ADAMTSL1: variants seen among roughly 807,000 people sequenced by gnomAD.
ADAMTSL1 encodes ADAMTS-like protein 1.
Under a neutral mutation model 201.8 loss-of-function variants are expected in ADAMTSL1, and 126 were observed. The observed-to-expected ratio is 0.62, with a 90% CI of 0.54 to 0.72. The LOEUF is 0.72. ADAMTSL1 is among the 30% of genes least tolerant of loss of function. The pLI, the probability that ADAMTSL1 is intolerant of heterozygous loss-of-function variation, is 0.00. For missense variants in ADAMTSL1, 2,679 were observed against 2,277.8 expected (o/e 1.18, Z -3.59); for synonymous variants, 1,121 against 903.4 (o/e 1.24, Z -4.32).
At chr9:18,423,995 G>A (rs902583306) in intron 2 of ADAMTSL1, among the ~76,000 whole-genome samples, 1 of 152,200 alleles carries the variant, frequency 6.6e-6, no homozygotes. Flanking sequence ...TAATGCTTCT[G>A]AAGAAAGAGC....
chr9:18,766,785 C>A (rs1202132048), intron 16 of ADAMTSL1, among the ~76,000 whole-genome samples: 1 of 152,030 alleles, frequency 6.6e-6, no homozygotes, highest in Admixed American at 6.5e-5. Context: ...ACCGTCATGA[C>A]CTAATCATCT....
intron 1 of ADAMTSL1, among the ~76,000 whole-genome samples, chr9:17,907,843 T>A (rs1588395149): frequency 6.6e-6 from 1 of 152,276 alleles, no homozygotes; most frequent in East Asian, 1.9e-4. Flanking sequence ...GGGCAGTTTG[T>A]ACATAATTTA....
intron 2 of ADAMTSL1, among the ~76,000 whole-genome samples, chr9:18,393,879 C>T (rs987261194): frequency 2.6e-5 from 4 of 152,132 alleles, no homozygotes; most frequent in East Asian, 1.9e-4. Flanking sequence ...TGATACCATC[C>T]GGCTGTGAAA....
intron 1 of ADAMTSL1, among the ~76,000 whole-genome samples, chr9:17,985,768 C>G (rs1818903567): frequency 6.6e-6 from 1 of 152,102 alleles, no homozygotes; most frequent in South Asian, 2.1e-4. Flanking sequence ...AAATAAGATT[C>G]ATGGAGGTTC....
intron 9 of ADAMTSL1, among the ~76,000 whole-genome samples, chr9:18,664,076 A>G (rs2133043581): frequency 6.6e-6 from 1 of 152,242 alleles, no homozygotes; most frequent in African/African-American, 2.4e-5. Context: ...AAATAGGCAA[A>G]TGTCAGGAAG....
chr9:18,251,374 A>C (rs1413544785), intron 2 of ADAMTSL1, among the ~76,000 whole-genome samples: 1 of 152,204 alleles, frequency 6.6e-6, no homozygotes, highest in African/African-American at 2.4e-5. Flanking sequence ...CGAGTCCTGA[A>C]AGAAGCATTT....
intron 1 of ADAMTSL1, among the ~76,000 whole-genome samples, chr9:17,997,894 C>T (rs752378343): frequency 2.0e-5 from 3 of 152,070 alleles, no homozygotes; most frequent in East Asian, 1.9e-4. Flanking sequence ...GCTGCATTCA[C>T]TTACTCTCTT....
chr9:18,168,838 T>G lies in ADAMTSL1; in HGVS notation c.207+4857T>G, dbSNP rs1167048358. ...CCATTCTAACTGGTGTGAGATGGTA[T>G]CTCATTGTGGTTTTGATTTGCATTT... On this transcript the variant is annotated intron_variant, in intron 2 of 29. Transcript: ENST00000680146. Among the ~76,000 whole-genome samples, 13 of 150,010 alleles carry G rather than the reference T, an allele frequency of 8.7e-5. No homozygotes were observed. In the South Asian group the frequency reaches 2.8e-3, roughly 32 times the overall value.
chr9:18,724,068 G>A (rs187365714), intron 15 of ADAMTSL1, among the ~76,000 whole-genome samples: 4 of 152,266 alleles, frequency 2.6e-5, no homozygotes, highest in Non-Finnish European at 4.4e-5. Context: ...TTTCTAGACC[G>A]TGTCCTTTGG....
At chr9:18,218,691 T>G (rs1830143538) in intron 2 of ADAMTSL1, among the ~76,000 whole-genome samples, 1 of 152,088 alleles carries the variant, frequency 6.6e-6, no homozygotes, top group Non-Finnish European at 1.5e-5. Context: ...ATATAAGAGA[T>G]ATTATCTTTC....
chr9:18,473,766 G>A (rs1299893837), upstream of ADAMTSL1: 1 of 176,478 alleles, frequency 5.7e-6, no homozygotes, highest in African/African-American at 2.4e-5. Context: ...GGGAGCTACT[G>A]TACTTTACAA....
At chr9:18,887,736 T>A in intron 23 of ADAMTSL1, 95 bp from the exon 24 acceptor site, 2 of 1,140,534 alleles carry the variant, frequency 1.8e-6, no homozygotes, top group Non-Finnish European at 2.5e-6. Flanking sequence ...ACATTGTGTG[T>A]ACAATTTCTA....
intron 5 of ADAMTSL1, among the ~76,000 whole-genome samples, chr9:18,635,193 A>G (rs1400337560): frequency 6.6e-6 from 1 of 152,024 alleles, no homozygotes; most frequent in Admixed American, 6.6e-5. Context: ...GTCATTACAA[A>G]TGGAGTTCTG....
rs370729687 is a variant in ADAMTSL1, at chr9:17,932,746, C to T, written c.87+25824C>T. 2.0e-5 allele frequency among the ~76,000 whole-genome samples: 3 copies of T among 152,260 alleles called. No homozygotes were observed. In the East Asian group the frequency reaches 5.8e-4, roughly 29 times the overall value. On this transcript the variant is annotated intron_variant, in intron 1 of 29. Coordinates refer to the ADAMTSL1 transcript ENST00000680146. ...ATATTTTCATTTTGAATACAGTGAT[C>T]TAAGTAATCTGCTTATTACAATAGA...
intron 2 of ADAMTSL1, among the ~76,000 whole-genome samples, chr9:18,459,081 A>G (rs1303736868): frequency 6.6e-6 from 1 of 152,210 alleles, no homozygotes; most frequent in East Asian, 1.9e-4. Flanking sequence ...TAAGGTTGCC[A>G]TAATAACTGA....
intron 1 of ADAMTSL1, among the ~76,000 whole-genome samples, chr9:18,486,205 C>A (rs942038080): frequency 1.3e-5 from 2 of 152,122 alleles, no homozygotes; most frequent in Admixed American, 1.3e-4. Flanking sequence ...AATTTTTGAC[C>A]TACAGTTAGG....
intron 15 of ADAMTSL1, among the ~76,000 whole-genome samples, chr9:18,727,042 T>C (rs1817936844): frequency 6.6e-6 from 1 of 152,244 alleles, no homozygotes; most frequent in African/African-American, 2.4e-5. Flanking sequence ...TTTAAAAGCA[T>C]ACTTCAGAAT....
chr9:18,853,841 TG>T (rs1352578685), intron 23 of ADAMTSL1, among the ~76,000 whole-genome samples: 1 of 151,932 alleles, frequency 6.6e-6, no homozygotes, highest in African/African-American at 2.4e-5. Flanking sequence ...GATAAGTTCC[TG>T]TTCTAAGTCC....
At chr9:18,601,916 A>G (rs1824687044) in intron 4 of ADAMTSL1, among the ~76,000 whole-genome samples, 1 of 152,082 alleles carries the variant, frequency 6.6e-6, no homozygotes, top group African/African-American at 2.4e-5. Flanking sequence ...TTTAAAAATG[A>G]CATTTTTATT....
Sources: gnomAD v4.1 joint callset for allele counts (sites outside exome capture counted in the v4.1 genomes callset) on GRCh38, gnomAD v4.1.1 for gene constraint, MANE v1.5 for transcripts, NCBI Gene and HGNC (gene_info 2026-07-23, HGNC 2026-07-21) for gene names.